Variants in ANKS4B observed in about 807,000 individuals in gnomAD.
ANKS4B encodes the protein ankyrin repeat and SAM domain-containing protein 4B.
In ANKS4B, 21 loss-of-function variants were observed where a neutral mutation model predicts 20.2. The ratio of observed to expected loss-of-function variants is 1.04; its 90% CI spans 0.74 to 1.50. The LOEUF (loss-of-function observed/expected upper bound fraction) is 1.50, where lower values mean the gene tolerates loss of function less well. Among genes scored for constraint, ANKS4B ranks in the 40% most tolerant of loss-of-function variants. ANKS4B has a pLI of 0.00. For missense variants in ANKS4B, 473 were observed against 494.6 expected, an observed-to-expected ratio of 0.96 and a Z score of 0.41; for synonymous variants, 179 against 194.5, an observed-to-expected ratio of 0.92 and a Z score of 0.66.
chr16:21,238,823 C>G (rs2093323208), intron 1 of ANKS4B: 1 of 152,082 alleles, frequency 6.6e-6, no homozygotes, highest in South Asian at 2.1e-4. Flanking sequence ...TTCTTCTAAC[C>G]TTGTTTTTCC....
rs2093342282 is a variant in ANKS4B at position 21,253,816 on chromosome 16, T to C, written c.*2996T>C. On this transcript the variant is annotated 3_prime_UTR_variant, in exon 2 of 2. Coordinates refer to ENST00000311620, the MANE Select transcript of ANKS4B (RefSeq NM_145865.3). ...GATATAGTCTCTTCGTCACAGAGTA[T>C]TGTTATATAATAAAAAAAGGTTTAT... is the stretch of plus-strand genomic sequence containing the variant. The C allele has an allele frequency of 6.6e-6, 1 of 152,206 alleles. No individual in the cohort carries two copies. Among genetic ancestry groups the C allele is most frequent in the Non-Finnish European group, 1.5e-5 (1 of 68,036 alleles). The allele number at this position is 152,206 out of a possible 1,614,324, so 9.4% of individuals were successfully genotyped here.
At chr16:21,241,450 G>C (rs956909271) in intron 1 of ANKS4B, among the ~76,000 whole-genome samples, 1 of 152,104 alleles carries the variant, frequency 6.6e-6, no homozygotes, top group African/African-American at 2.4e-5. Flanking sequence ...CTCTCGCTCT[G>C]TCATCCAGGC....
chr16:21,233,825 G>A lies in ANKS4B; in HGVS notation c.88G>A (p.Glu30Lys). The part of the protein sequence containing the change: ...ATKRDLNLSD[E>K]DGMTPTLLAA... Reference sequence around the variant, plus strand: ...CAAGCGAGATCTAAATCTTTCGGATGAAGACGGCATGACTCCTACTCTCTT... The same window carrying A: ...CAAGCGAGATCTAAATCTTTCGGATAAAGACGGCATGACTCCTACTCTCTT... The change falls in exon 1 of 2, where the codon GAA becomes AAA. Residue 30 changes from glutamate to lysine, a missense_variant. Transcript: ENST00000311620. 1 of 1,614,012 alleles carries A rather than the reference G, an allele frequency of 6.2e-7. No individual in the cohort carries two copies. Among genetic ancestry groups the A allele is most frequent in the South Asian group, 1.1e-5 (1 of 91,036 alleles).
intron 1 of ANKS4B, among the ~76,000 whole-genome samples, chr16:21,238,538 G>C (rs1019643190): frequency 2.0e-5 from 3 of 151,938 alleles, no homozygotes; most frequent in African/African-American, 7.2e-5. Context: ...TTCTAACTTT[G>C]AGGTCATGCC....
chr16:21,240,159 CA>C lies in ANKS4B; in HGVS notation c.164+6260del, dbSNP rs200373920. Among the ~76,000 whole-genome samples the C allele has an allele frequency of 8.7e-3, 1,321 of 152,190 alleles. 9 individuals are homozygous for C. Among genetic ancestry groups the C allele is most frequent in the Non-Finnish European group, 0.01 (691 of 67,984 alleles). The stretch of plus-strand genomic sequence containing the variant: ...GTTTTTAAAATTTGAAGATGGAAAA[CA>C]ATCATTACATGTATTTTCCTGCACT... On this transcript the variant is annotated intron_variant, in intron 1 of 1. Coordinates refer to ENST00000311620, the MANE Select transcript of ANKS4B (RefSeq NM_145865.3).
At chr16:21,246,388 C>T (rs1021797143) in intron 1 of ANKS4B, among the ~76,000 whole-genome samples, 4 of 152,078 alleles carry the variant, frequency 2.6e-5, no homozygotes, top group Non-Finnish European at 5.9e-5. Flanking sequence ...GTTTGGACTA[C>T]TATAAGTATG....
intron 1 of ANKS4B, 36 bp downstream of exon 1, chr16:21,233,937 G>A (rs767745521): frequency 6.3e-7 from 1 of 1,579,506 alleles, no homozygotes; most frequent in East Asian, 2.3e-5. Context: ...TGGAAACAGT[G>A]TTCATGGTAG....
At position 21,249,843 on chromosome 16, in the gene ANKS4B, G is replaced by A; in HGVS notation, c.277G>A (p.Ala93Thr). The A allele has an allele frequency of 6.2e-7, 1 of 1,614,116 alleles. No individual in the cohort carries two copies. The highest frequency in any genetic ancestry group is 1.1e-5 in the South Asian group (1 of 91,078). Reference sequence around the variant, plus strand: ...GGTCAACTTTGGTGCCAACATCTTTGCCCTGGATAATGACTTACAGACTCC... The same window carrying A: ...GGTCAACTTTGGTGCCAACATCTTTACCCTGGATAATGACTTACAGACTCC... ...FLVNFGANIF[A>T]LDNDLQTPLD... is the part of the protein sequence containing the mutation. The change falls in exon 2 of 2, where the codon GCC (alanine) becomes ACC (threonine). Residue 93 changes from alanine (A) to threonine (T), a missense_variant. Transcript: ENST00000311620.
chr16:21,234,005 C>T, intron 1 of ANKS4B, 104 bp downstream of exon 1: 1 of 1,124,334 alleles, frequency 8.9e-7, no homozygotes, highest in Non-Finnish European at 1.2e-6. Flanking sequence ...TATCCTCTTT[C>T]TAGATTGTCT....
rs1040747896 is a variant in ANKS4B at position 21,251,718 on chromosome 16, G to A, written c.*898G>A. 4 of 152,226 alleles carry A rather than the reference G, an allele frequency of 2.6e-5. No individual in the cohort carries two copies. Among genetic ancestry groups the A allele is most frequent in the African/African-American group, 9.7e-5 (4 of 41,446 alleles). The allele number at this position is 152,226 out of a possible 1,614,324, so 9.4% of individuals were successfully genotyped here. A position where few individuals can be genotyped will look rare whatever the true frequency, so the allele number is the denominator to read the frequency against. On this transcript the variant is annotated 3_prime_UTR_variant, in exon 2 of 2. Coordinates refer to ENST00000311620, the MANE Select transcript of ANKS4B (RefSeq NM_145865.3). ...AAATGCGTCTATAATACTCCTGCCT[G>A]AGAATAGAGACAGAGTGGTGGTGGG...
chr16:21,245,017 C>T (rs2093330701), intron 1 of ANKS4B, among the ~76,000 whole-genome samples: 1 of 152,222 alleles, frequency 6.6e-6, no homozygotes, highest in African/African-American at 2.4e-5. Flanking sequence ...ACACTGTTCT[C>T]TCTGCTCAGA....
intron 1 of ANKS4B, among the ~76,000 whole-genome samples, chr16:21,237,683 C>A (rs942389826): frequency 6.6e-6 from 1 of 152,024 alleles, no homozygotes; most frequent in Non-Finnish European, 1.5e-5. Context: ...ATGACTCAAT[C>A]GTCTCCTAAA....
At chr16:21,243,443 A>C (rs1363919901) in intron 1 of ANKS4B, among the ~76,000 whole-genome samples, 2 of 152,250 alleles carry the variant, frequency 1.3e-5, no homozygotes, top group African/African-American at 4.8e-5. Flanking sequence ...TCTATCAAGA[A>C]ATGTGAACAA....
intron 1 of ANKS4B, among the ~76,000 whole-genome samples, chr16:21,242,078 T>C (rs1226666862): frequency 6.6e-6 from 1 of 152,194 alleles, no homozygotes; most frequent in African/African-American, 2.4e-5. Context: ...AGTCATCATG[T>C]GTTACAATAG....
rs1420446394 is a variant in ANKS4B at position 21,245,824 on chromosome 16, T to G, written c.165-3907T>G. 2.0e-5 allele frequency among the ~76,000 whole-genome samples: 3 copies of G among 152,082 alleles called. No homozygotes were observed. In the East Asian group the frequency reaches 5.8e-4, roughly 29 times the overall value. The stretch of plus-strand genomic sequence containing the variant: ...GTGCTGTAGGAATTTACTAGTTGAA[T>G]ACAAGGAAAAATAAATACATGAAAT... On this transcript the variant is annotated intron_variant, in intron 1 of 1. Transcript: ENST00000311620.
At chr16:21,249,674 C>T in intron 1 of ANKS4B, 57 bp from the exon 2 acceptor site, 2 of 1,522,700 alleles carry the variant, frequency 1.3e-6, no homozygotes, top group South Asian at 2.6e-5. Flanking sequence ...TTTTTTTGGG[C>T]CTGCGTTCAG....
intron 1 of ANKS4B, among the ~76,000 whole-genome samples, chr16:21,248,038 G>C (rs975330719): frequency 9.9e-5 from 15 of 152,146 alleles, no homozygotes; most frequent in Admixed American, 7.2e-4. Flanking sequence ...TGCTGATGGG[G>C]ACTGAGTTTG....
At chr16:21,234,118 A>G (rs570196312) in intron 1 of ANKS4B, among the ~76,000 whole-genome samples, 81 of 152,374 alleles carry the variant, frequency 5.3e-4, no homozygotes, top group Middle Eastern at 3.4e-3. Flanking sequence ...CTTAGCCACA[A>G]TCAGAGGAGA....
In ANKS4B at chr16:21,250,488, G is replaced by A. The variant is rs1348948077; in HGVS notation, c.922G>A (p.Ala308Thr). The A allele has an allele frequency of 1.2e-6, 2 of 1,614,162 alleles. No homozygotes were observed. The highest frequency in any genetic ancestry group is 1.1e-5 in the South Asian group (1 of 91,066). The change falls in exon 2 of 2, where the codon GCA (alanine) becomes ACA (threonine). Residue 308 changes from alanine to threonine, a missense_variant. Coordinates refer to ENST00000311620, the MANE Select transcript of ANKS4B (RefSeq NM_145865.3). Reference protein sequence around the residue: ...LPSELLQRQGASEADEGAADE... With the variant: ...LPSELLQRQGTSEADEGAADE... ...CAGTGAATTGCTTCAAAGACAAGGA[G>A]CATCAGAGGCTGATGAGGGTGCAGC...
Sources: gnomAD v4.1 joint callset for allele counts (sites outside exome capture counted in the v4.1 genomes callset) on GRCh38, gnomAD v4.1.1 for gene constraint, MANE v1.5 for transcripts, NCBI Gene and HGNC (gene_info 2026-07-23, HGNC 2026-07-21) for gene names.